Variants in VPS13D observed in about 807,000 individuals in gnomAD.
VPS13D encodes the protein intermembrane lipid transfer protein VPS13D.
A neutral mutation model predicts 461.9 loss-of-function variants in VPS13D; 187 were observed. The ratio of observed to expected loss-of-function variants is 0.40; its 90% CI spans 0.36 to 0.46. The LOEUF (loss-of-function observed/expected upper bound fraction) is 0.46, where lower values mean the gene tolerates loss of function less well. Among genes scored for constraint, VPS13D ranks in the 20% least tolerant of loss-of-function variants. VPS13D has a pLI of 0.60. For missense variants in VPS13D, 4,711 were observed against 5,364.9 expected (o/e 0.88, Z 3.81); for synonymous variants, 1,951 against 1,986.3 (o/e 0.98, Z 0.47).
chr1:12,495,057 C>T lies in VPS13D; in HGVS notation c.12663-2443C>T, dbSNP rs972785240. Among the ~76,000 whole-genome samples the T allele has an allele frequency of 7.2e-5, 11 of 152,148 alleles. No homozygotes were observed. The highest frequency in any genetic ancestry group is 5.2e-4 in the Admixed American group (8 of 15,274). ...TCCCCCTCTCCTGGAGCTTCCAGTC[C>T]ACATGGGAGCCAAGCAGTAAATAAC... On this transcript the variant is annotated intron_variant, in intron 67 of 69. Coordinates refer to ENST00000620676, the MANE Select transcript of VPS13D (RefSeq NM_015378.4). The surrounding 1 kb of genome is among the most constrained non-coding windows in gnomAD (Gnocchi z 4.0).
At chr1:12,429,135 T>C (rs1644962016) in intron 65 of VPS13D, among the ~76,000 whole-genome samples, 1 of 151,300 alleles carries the variant, frequency 6.6e-6, no homozygotes, top group Admixed American at 6.6e-5. Flanking sequence ...CAGTCTCCCC[T>C]CTAGCCATAA....
intron 34 of VPS13D, 79 bp downstream of exon 34, chr1:12,322,825 C>G (rs960215044): frequency 2.4e-5 from 31 of 1,268,272 alleles, no homozygotes; most frequent in Non-Finnish European, 3.4e-5. Context: ...TTCTTTTGCA[C>G]AACTAAATTG....
At chr1:12,304,014 A>G (rs1466783892) in intron 25 of VPS13D, among the ~76,000 whole-genome samples, 2 of 152,158 alleles carry the variant, frequency 1.3e-5, no homozygotes, top group Non-Finnish European at 2.9e-5. Context: ...TTTCATTTCT[A>G]CAGTTACTTA....
intron 39 of VPS13D, chr1:12,336,151 A>G (rs1435214632): frequency 5.1e-6 from 1 of 194,936 alleles, no homozygotes; most frequent in Non-Finnish European, 1.0e-5. Flanking sequence ...TTACTCTGCA[A>G]AACATTGGTT....
At chr1:12,467,484 T>C (rs1275432275) in intron 67 of VPS13D, among the ~76,000 whole-genome samples, 4 of 152,222 alleles carry the variant, frequency 2.6e-5, no homozygotes, top group Non-Finnish European at 4.4e-5. Flanking sequence ...TCAGATATTT[T>C]AAAGAAGCAT....
At chr1:12,239,832 CGTGA>C (rs1368425203) in intron 2 of VPS13D, among the ~76,000 whole-genome samples, 5 of 152,004 alleles carry the variant, frequency 3.3e-5, no homozygotes, top group Admixed American at 1.3e-4. Flanking sequence ...ATGAGACATC[CGTGA>C]GTAAGTCTGT....
intron 8 of VPS13D, 127 bp downstream of exon 8, chr1:12,256,630 T>TTG: frequency 9.3e-7 from 1 of 1,073,702 alleles, no homozygotes; most frequent in Non-Finnish European, 1.3e-6. Context: ...CAGACTAAAG[T>TTG]TGTGTTAGGT....
At position 12,400,309 on chromosome 1, in the gene VPS13D, T is replaced by A; in HGVS notation, c.11763T>A (p.Ser3921Arg). The A allele has an allele frequency of 6.2e-7, 1 of 1,613,958 alleles. No individual in the cohort carries two copies. Among genetic ancestry groups the A allele is most frequent in the Non-Finnish European group, 8.5e-7 (1 of 1,179,974 alleles). Residue 3921 changes from serine (S) to arginine (R), a missense_variant, in exon 61 of 70, where the codon AGT (serine) becomes AGA (arginine). This residue lies in a region of VPS13D where 4,411 missense variants were observed against 4,937.8 expected (regional missense o/e 0.89). Coordinates refer to ENST00000620676, the MANE Select transcript of VPS13D (RefSeq NM_015378.4). ...QVNAVKFPSK[S>R]ALTNIYKHLM... is the part of the protein sequence containing the mutation. The stretch of plus-strand genomic sequence containing the variant: ...ACGCAGTGAAGTTCCCCAGTAAGAG[T>A]GCACTGACCAACATCTACAAGGTGG...
rs879258712 is a variant in VPS13D at position 12,279,227 on chromosome 1, A to T, written c.4451-272A>T. Reference sequence around the variant, plus strand: ...TCTGGACTGGAATAATGTTCACCACATCGTGCTTTGAAGCTACCAAGTGGA... The same window carrying T: ...TCTGGACTGGAATAATGTTCACCACTTCGTGCTTTGAAGCTACCAAGTGGA... On this transcript the variant is annotated intron_variant, in intron 19 of 69. Transcript: ENST00000620676. This position sits in a 1 kb window ranked among gnomAD's most constrained non-coding sequence, Gnocchi z 4.3. Among the ~76,000 whole-genome samples, 5 of 152,164 alleles carry T rather than the reference A, an allele frequency of 3.3e-5. No homozygotes were observed. The highest frequency in any genetic ancestry group is 4.4e-5 in the Non-Finnish European group (3 of 68,022).
intron 30 of VPS13D, among the ~76,000 whole-genome samples, chr1:12,315,330 C>T (rs548083756): frequency 5.9e-5 from 9 of 152,246 alleles, no homozygotes; most frequent in Non-Finnish European, 1.0e-4. Flanking sequence ...TTCAGAATTC[C>T]CCAGGGTTTA....
chr1:12,469,230 C>T (rs1221650530), intron 67 of VPS13D, among the ~76,000 whole-genome samples: 2 of 152,176 alleles, frequency 1.3e-5, no homozygotes, highest in Admixed American at 6.5e-5. Flanking sequence ...GGACCCCCTG[C>T]GGAACCCCAG....
intron 68 of VPS13D, among the ~76,000 whole-genome samples, chr1:12,506,185 G>A (rs953837298): frequency 2.6e-5 from 4 of 152,328 alleles, no homozygotes; most frequent in Admixed American, 1.3e-4. Context: ...TGGCCAGAGA[G>A]GTTTGATGTG....
At chr1:12,497,325 G>A (rs964664039) in intron 67 of VPS13D, 175 bp from the exon 68 acceptor site, 3 of 633,138 alleles carry the variant, frequency 4.7e-6, no homozygotes, top group East Asian at 3.8e-5. Flanking sequence ...AAAGTCAAAT[G>A]AGGGTCTTTA....
intron 60 of VPS13D, among the ~76,000 whole-genome samples, chr1:12,395,996 G>GAGAT (rs1300735333): frequency 6.8e-5 from 5 of 73,806 alleles, no homozygotes; most frequent in Non-Finnish European, 1.2e-4. Flanking sequence ...ACTAATAGGA[G>GAGAT]ATATATATAT....
intron 6 of VPS13D, among the ~76,000 whole-genome samples, chr1:12,253,188 A>G (rs1307145433): frequency 6.6e-6 from 1 of 152,138 alleles, no homozygotes; most frequent in African/African-American, 2.4e-5. Flanking sequence ...CTGTATAACA[A>G]TGATTTACAT....
intron 67 of VPS13D, among the ~76,000 whole-genome samples, chr1:12,486,782 G>A (rs992827296): frequency 2.6e-5 from 4 of 152,292 alleles, no homozygotes; most frequent in African/African-American, 9.6e-5. Context: ...TCTGGGCTTC[G>A]GAAGCAGCAC....
intron 36 of VPS13D, among the ~76,000 whole-genome samples, chr1:12,329,312 C>T (rs1325778042): frequency 6.6e-6 from 1 of 152,054 alleles, no homozygotes; most frequent in African/African-American, 2.4e-5. Context: ...CTCCCGGGTC[C>T]AAGCAATTCT....
At position 12,507,176 on chromosome 1, in the gene VPS13D, G is replaced by T. The variant is rs1476464352; in HGVS notation, c.13035+83G>T. ...TGCCCTGCTTCCCCGTCCTCAGCAGGAGCTCATTTAGGAGGTTGAGGCTGG... is the reference window on the plus strand; with the variant it reads ...TGCCCTGCTTCCCCGTCCTCAGCAGTAGCTCATTTAGGAGGTTGAGGCTGG... On this transcript the variant is annotated intron_variant, in intron 69 of 69. Transcript: ENST00000620676. The surrounding 1 kb of genome is among the most constrained non-coding windows in gnomAD (Gnocchi z 5.3). The T allele has an allele frequency of 2.2e-5, 36 of 1,608,136 alleles. No individual in the cohort carries two copies. The highest frequency in any genetic ancestry group is 3.1e-5 in the Non-Finnish European group (36 of 1,177,282).
Position 12,253,828 on chromosome 1 carries a change from T to TA in VPS13D, c.669+3dup. The TA allele has an allele frequency of 6.2e-7, 1 of 1,613,040 alleles. No homozygotes were observed. The highest frequency in any genetic ancestry group is 1.7e-5 in the Admixed American group (1 of 59,952). The stretch of plus-strand genomic sequence containing the variant: ...GATTTGCCTCAGATGGAGTTACAGG[T>TA]ACGATTTCGGCAGGGAGATTTGTTG... On this transcript the variant is annotated splice_region_variant and intron_variant, in intron 7 of 69. Transcript: ENST00000620676.
Sources: gnomAD v4.1 joint callset for allele counts (sites outside exome capture counted in the v4.1 genomes callset) on GRCh38, gnomAD v4.1.1 for gene constraint, gnomAD v4.1.1 regional missense constraint, Gnocchi (gnomAD v3.1) non-coding constraint, MANE v1.5 for transcripts, NCBI Gene and HGNC (gene_info 2026-07-23, HGNC 2026-07-21) for gene names.